The following ALPK1 variants were observed in gnomAD, a reference collection of about 807,000 sequenced individuals.
ALPK1 encodes alpha kinase 1, also known as alpha-protein kinase 1.
In ALPK1, 110 loss-of-function variants were observed where a neutral mutation model predicts 120.6. The observed-to-expected ratio is 0.91, with a 90% CI of 0.78 to 1.07. The LOEUF is 1.07. Ranked by LOEUF, ALPK1 falls within the 50% of genes least tolerant of loss-of-function variation. The pLI is 0.00. For missense variants in ALPK1, 1,498 were observed against 1,483.9 expected (o/e 1.01, Z -0.16); for synonymous variants, 582 against 560.3 (o/e 1.04, Z -0.55).
chr4:112,397,226 G>T (rs1197420122), intron 4 of ALPK1, among the ~76,000 whole-genome samples: 1 of 152,184 alleles, frequency 6.6e-6, no homozygotes, highest in Non-Finnish European at 1.5e-5. Flanking sequence ...GATTTCACTA[G>T]CTTCTTCGTA....
chr4:112,354,993 A>G (rs1351003648), intron 2 of ALPK1, among the ~76,000 whole-genome samples: 1 of 152,112 alleles, frequency 6.6e-6, no homozygotes, highest in Non-Finnish European at 1.5e-5. Context: ...TTTTGACTGG[A>G]GTTGCATTAA....
At position 112,377,783 on chromosome 4, in the gene ALPK1, T is replaced by A. The variant is rs1731731836; in HGVS notation, c.6T>A (p.Asn2Lys). Reference sequence around the variant, plus strand: ...CCCAATTCATCGTAATCATCATGAATAATCAAAAAGTGGTAGCTGTGCTAC... The same window carrying A: ...CCCAATTCATCGTAATCATCATGAAAAATCAAAAAGTGGTAGCTGTGCTAC... M[N>K]NQKVVAVLLQ... Residue 2 changes from asparagine (N) to lysine (K), a missense_variant, in exon 3 of 16, where the codon AAT (asparagine) becomes AAA (lysine). Asn to Lys is a moderately conservative substitution (Grantham distance 94). Transcript: ENST00000650871. 1.2e-6 allele frequency: 2 copies of A among 1,610,152 alleles called. No individual in the cohort carries two copies. The highest frequency in any genetic ancestry group is 1.7e-6 in the Non-Finnish European group (2 of 1,177,376).
Position 112,387,177 on chromosome 4 carries a change from C to T in ALPK1, c.276+4625C>T, listed in dbSNP as rs569334440. ...GCTGAGATGCCGGGGAAGGACTCAA[C>T]GTGGATGCCACCTTGGGAATTTTTC... is the stretch of plus-strand genomic sequence containing the variant. On this transcript the variant is annotated intron_variant, in intron 4 of 15. Transcript: ENST00000650871. Among the ~76,000 whole-genome samples the T allele has an allele frequency of 3.9e-5, 6 of 152,302 alleles. No homozygotes were observed. The South Asian group carries it at 6.2e-4, about 16-fold the overall frequency.
intron 2 of ALPK1, among the ~76,000 whole-genome samples, chr4:112,366,802 G>T (rs946307938): frequency 6.6e-6 from 1 of 152,186 alleles, no homozygotes; most frequent in African/African-American, 2.4e-5. Context: ...CAGTCCAAAT[G>T]CCCATCAATC....
chr4:112,343,524 T>C (rs955654995), intron 2 of ALPK1: 3 of 152,092 alleles, frequency 2.0e-5, no homozygotes, highest in African/African-American at 7.2e-5. Flanking sequence ...AAATATGATA[T>C]CAGCTGCAAG....
chr4:112,405,310 C>T (rs1404407406), intron 4 of ALPK1, among the ~76,000 whole-genome samples: 1 of 152,156 alleles, frequency 6.6e-6, no homozygotes, highest in East Asian at 1.9e-4. Context: ...CCAGCTATCA[C>T]CAAATCATCA....
At chr4:112,386,947 A>G (rs997035848) in intron 4 of ALPK1, among the ~76,000 whole-genome samples, 1 of 152,254 alleles carries the variant, frequency 6.6e-6, no homozygotes, top group African/African-American at 2.4e-5. Flanking sequence ...GATGAAAAGC[A>G]TGAGCAACTT....
intron 5 of ALPK1, among the ~76,000 whole-genome samples, chr4:112,415,695 A>G (rs976619883): frequency 5.3e-5 from 8 of 152,088 alleles, no homozygotes; most frequent in African/African-American, 1.9e-4. Flanking sequence ...ATAGTAATTG[A>G]TGGGGAATTC....
intron 2 of ALPK1, among the ~76,000 whole-genome samples, chr4:112,334,738 C>G (rs1265899114): frequency 6.6e-6 from 1 of 152,120 alleles, no homozygotes; most frequent in Non-Finnish European, 1.5e-5. Context: ...AACTCAGAGG[C>G]TCTTCTAATG....
chr4:112,362,787 G>C (rs570262695), intron 2 of ALPK1, among the ~76,000 whole-genome samples: 1 of 152,200 alleles, frequency 6.6e-6, no homozygotes, highest in Non-Finnish European at 1.5e-5. Flanking sequence ...ATAGTCATCA[G>C]GTTATCTAAA....
intron 5 of ALPK1, among the ~76,000 whole-genome samples, chr4:112,414,055 T>C (rs1733618042): frequency 6.6e-6 from 1 of 152,218 alleles, no homozygotes; most frequent in Non-Finnish European, 1.5e-5. Flanking sequence ...AGAGAAGGAC[T>C]GGGACTGAGA....
intron 1 of ALPK1, among the ~76,000 whole-genome samples, chr4:112,307,659 T>A (rs1292813304): frequency 2.6e-5 from 4 of 152,108 alleles, no homozygotes; most frequent in Non-Finnish European, 5.9e-5. Context: ...ATGAGATGGG[T>A]CTCCTGAATA....
rs147301405 is a variant in ALPK1, at chr4:112,301,353, A to C, written c.-153+3884A>C. Among the ~76,000 whole-genome samples, 647 of 152,316 alleles carry C rather than the reference A, an allele frequency of 4.2e-3. 6 individuals are homozygous for C. The highest frequency in any genetic ancestry group is 0.014 in the African/African-American group (580 of 41,568). On this transcript the variant is annotated intron_variant, in intron 1 of 15. Coordinates refer to ENST00000650871, the MANE Select transcript of ALPK1 (RefSeq NM_025144.4). ...TGAGCCCAGATTTCCTGTTACTCTA[A>C]ACCTACCCTCTTCCTTGGGACATGA...
chr4:112,388,509 A>G (rs1300305644), intron 4 of ALPK1, among the ~76,000 whole-genome samples: 1 of 152,218 alleles, frequency 6.6e-6, no homozygotes, highest in African/African-American at 2.4e-5. Flanking sequence ...TTTTTATATT[A>G]GTAATACAGA....
At chr4:112,356,300 G>A in intron 2 of ALPK1, 1 of 1,029,460 alleles carries the variant, frequency 9.7e-7, no homozygotes, top group Admixed American at 1.7e-5. Flanking sequence ...CACCACCCTG[G>A]CCTGGCGAGA....
intron 2 of ALPK1, among the ~76,000 whole-genome samples, chr4:112,374,691 T>C (rs1467432617): frequency 2.0e-5 from 3 of 152,148 alleles, no homozygotes; most frequent in Non-Finnish European, 4.4e-5. Context: ...TCTTGACCCA[T>C]GGGCTGTAGA....
At chr4:112,403,866 G>A (rs184551872) in intron 4 of ALPK1, among the ~76,000 whole-genome samples, 2 of 152,324 alleles carry the variant, frequency 1.3e-5, no homozygotes, top group African/African-American at 4.8e-5. Flanking sequence ...GAGTAGAAGG[G>A]GGAAAAATAG....
intron 1 of ALPK1, among the ~76,000 whole-genome samples, chr4:112,315,376 A>G (rs1461938121): frequency 1.3e-5 from 2 of 152,216 alleles, no homozygotes; most frequent in Admixed American, 6.5e-5. Context: ...GTTTTTCAAC[A>G]AAGTCCTTTT....
intron 4 of ALPK1, among the ~76,000 whole-genome samples, chr4:112,385,882 A>G (rs1732131425): frequency 6.6e-6 from 1 of 152,170 alleles, no homozygotes; most frequent in African/African-American, 2.4e-5. Context: ...TTTATTCATA[A>G]ATATAAACTT....
Sources: gnomAD v4.1 joint callset for allele counts (sites outside exome capture counted in the v4.1 genomes callset) on GRCh38, gnomAD v4.1.1 for gene constraint, MANE v1.5 for transcripts, NCBI Gene and HGNC (gene_info 2026-07-23, HGNC 2026-07-21) for gene names.